SHROOM2: variants seen among roughly 807,000 people sequenced by gnomAD.
SHROOM2 encodes protein Shroom2.
Under a neutral mutation model 75.9 loss-of-function variants are expected in SHROOM2, and 33 were observed. That is an observed-to-expected ratio of 0.43 (90% CI 0.33 to 0.58). SHROOM2 has a LOEUF of 0.58. Among genes scored for constraint, SHROOM2 ranks in the 20% least tolerant of loss-of-function variants. SHROOM2 has a pLI of 0.04. For synonymous variants in SHROOM2, 655 were observed against 663.6 expected, an observed-to-expected ratio of 0.99 and a Z score of 0.20; for missense variants, 1,434 against 1,461.2, an observed-to-expected ratio of 0.98 and a Z score of 0.30.
chrX:9,862,876 C>T (rs2084112119), intron 1 of SHROOM2, among the ~76,000 whole-genome samples: 1 of 112,364 alleles, frequency 8.9e-6, no homozygotes, highest in South Asian at 3.6e-4. Context: ...ATTCCTCTGA[C>T]ACACGATGGT....
At chrX:9,796,204 C>T (rs1240612306) in intron 1 of SHROOM2, among the ~76,000 whole-genome samples, 1 of 110,890 alleles carries the variant, frequency 9.0e-6, no homozygotes, top group African/African-American at 3.3e-5. Context: ...GGGAGGATTG[C>T]TTGAGCCCAG....
At chrX:9,930,732 A>AGTTTT (rs201969804) in intron 5 of SHROOM2, among the ~76,000 whole-genome samples, 2,002 of 110,177 alleles carry the variant, frequency 0.018, 51 homozygotes, top group African/African-American at 0.063. Flanking sequence ...GCTGTGTTCA[A>AGTTTT]GTTTTGTTTT....
At chrX:9,923,457 G>A (rs969977392) in intron 5 of SHROOM2, among the ~76,000 whole-genome samples, 1 of 112,700 alleles carries the variant, frequency 8.9e-6, no homozygotes, top group Non-Finnish European at 1.9e-5. Flanking sequence ...AAAGTGGGAG[G>A]TTGGGAGTTC....
intron 1 of SHROOM2, among the ~76,000 whole-genome samples, chrX:9,811,096 G>A (rs1348242720): frequency 2.7e-5 from 3 of 112,190 alleles, no homozygotes; most frequent in African/African-American, 9.7e-5. Flanking sequence ...GTCTATTCCA[G>A]TGAGGACAAC....
intron 1 of SHROOM2, among the ~76,000 whole-genome samples, chrX:9,804,084 T>G (rs2083738920): frequency 9.0e-6 from 1 of 111,709 alleles, no homozygotes. Context: ...GTTGGGAGGA[T>G]GGCACGTTAA....
At chrX:9,867,700 T>C (rs759054597) in intron 1 of SHROOM2, among the ~76,000 whole-genome samples, 2 of 111,622 alleles carry the variant, frequency 1.8e-5, no homozygotes, top group Non-Finnish European at 3.8e-5. Flanking sequence ...TGCTGCTGCT[T>C]TTCTGACTAC....
rs2083615094 is a variant in SHROOM2 at position 9,786,685 on chromosome X, A to G, written c.140A>G (p.His47Arg). Residue 47 changes from histidine to arginine, a missense_variant, in exon 1 of 10, where the codon CAC (histidine) becomes CGC (arginine). Transcript: ENST00000380913. ...WGFTLKGGRE[H>R]GEPLVITKIE... ...TTCACCCTGAAGGGCGGCCGCGAGC[A>G]CGGCGAGCCGCTGGTCATCACCAAG... The G allele has an allele frequency of 1.1e-6, 1 of 888,374 alleles. No individual in the cohort carries two copies. Among genetic ancestry groups the G allele is most frequent in the African/African-American group, 2.1e-5 (1 of 47,404 alleles). 73.2% of individuals were successfully genotyped at this position (888,374 alleles called of 1,213,427 possible).
chrX:9,835,490 T>C (rs1012838958), intron 1 of SHROOM2, among the ~76,000 whole-genome samples: 3 of 112,483 alleles, frequency 2.7e-5, no homozygotes, highest in Middle Eastern at 4.6e-3. Flanking sequence ...TTAATTCTTA[T>C]GCCATCTTAC....
intron 1 of SHROOM2, among the ~76,000 whole-genome samples, chrX:9,814,168 A>C (rs1003403558): frequency 9.0e-6 from 1 of 111,566 alleles, no homozygotes; most frequent in Non-Finnish European, 1.9e-5. Flanking sequence ...CTTCCTCTAC[A>C]TTAAACCAAG....
intron 1 of SHROOM2, among the ~76,000 whole-genome samples, chrX:9,850,712 C>T (rs2084034012): frequency 9.1e-6 from 1 of 109,899 alleles, no homozygotes; most frequent in Admixed American, 9.8e-5. Flanking sequence ...CGGTGGCACA[C>T]AGCTGTAGTC....
At chrX:9,791,463 G>A (rs757049882) in intron 1 of SHROOM2, among the ~76,000 whole-genome samples, 4 of 112,066 alleles carry the variant, frequency 3.6e-5, no homozygotes, top group Non-Finnish European at 7.5e-5. Flanking sequence ...CTTGCACACC[G>A]GGTGCAGCGG....
chrX:9,917,098 A>G (rs1295138826), intron 5 of SHROOM2, among the ~76,000 whole-genome samples: 1 of 111,680 alleles, frequency 9.0e-6, no homozygotes, highest in African/African-American at 3.3e-5. Flanking sequence ...GAAGGCTGGT[A>G]GAAAAATTGT....
At chrX:9,829,684 G>A (rs1428480258) in intron 1 of SHROOM2, among the ~76,000 whole-genome samples, 3 of 112,135 alleles carry the variant, frequency 2.7e-5, no homozygotes, top group Non-Finnish European at 3.8e-5. Context: ...GAGAAATTGC[G>A]GTTGCCTGAA....
chrX:9,813,535 A>G (rs2083802862), intron 1 of SHROOM2, among the ~76,000 whole-genome samples: 1 of 111,384 alleles, frequency 9.0e-6, no homozygotes, highest in Non-Finnish European at 1.9e-5. Context: ...TGGGAGAAAG[A>G]GTCACCACAT....
intron 6 of SHROOM2, among the ~76,000 whole-genome samples, chrX:9,933,076 C>T (rs967607307): frequency 3.6e-5 from 4 of 111,266 alleles, no homozygotes; most frequent in Non-Finnish European, 7.5e-5. Flanking sequence ...GCTGCTGTTT[C>T]CTGCAGGGAA....
chrX:9,894,672 C>A lies in SHROOM2; in HGVS notation c.764C>A (p.Ala255Glu), dbSNP rs1176593698. ...PRQGGRQAQA[A>E]GDPQGSEEKL... ...CAGGGTGGCCGGCAGGCCCAGGCCG[C>A]AGGCGACCCTCAGGGCTCGGAGGAG... Residue 255 changes from alanine (A) to glutamate (E), a missense_variant, in exon 4 of 10, where the codon GCA becomes GAA. Physicochemically the swap from Ala to Glu is moderately radical, Grantham distance 107 (BLOSUM62 -1). This residue lies in a region of SHROOM2 where 1,340 missense variants were observed against 1,338.3 expected (regional missense o/e 1.00). Coordinates refer to ENST00000380913, the MANE Select transcript of SHROOM2 (RefSeq NM_001649.4). 3.3e-6 allele frequency: 4 copies of A among 1,210,769 alleles called. No homozygotes were observed. Among genetic ancestry groups the A allele is most frequent in the Non-Finnish European group, 3.4e-6 (3 of 894,848 alleles).
At chrX:9,794,455 C>T (rs1319508796) in intron 1 of SHROOM2, among the ~76,000 whole-genome samples, 3 of 111,436 alleles carry the variant, frequency 2.7e-5, no homozygotes, top group African/African-American at 9.8e-5. Context: ...CTGCAACCTC[C>T]GCCTCCCAGG....
chrX:9,832,566 C>T (rs2083921985), intron 1 of SHROOM2, among the ~76,000 whole-genome samples: 1 of 112,001 alleles, frequency 8.9e-6, no homozygotes, highest in African/African-American at 3.2e-5. Context: ...CCAGTAGGCA[C>T]ATGGGATAGG....
At chrX:9,817,268 C>A (rs2083827873) in intron 1 of SHROOM2, among the ~76,000 whole-genome samples, 1 of 89,285 alleles carries the variant, frequency 1.1e-5, no homozygotes, top group African/African-American at 4.0e-5. Flanking sequence ...CCACCACACC[C>A]AACCTCCCTC....
Sources: allele counts gnomAD v4.1 joint callset (sites outside exome capture counted in the v4.1 genomes callset), GRCh38; gene constraint gnomAD v4.1.1; regional missense constraint gnomAD v4.1.1; transcripts MANE v1.5; gene names NCBI Gene and HGNC (gene_info 2026-07-23, HGNC 2026-07-21).